Variants in COLEC12 observed in about 807,000 individuals in gnomAD.
COLEC12 encodes the protein collectin-12.
Under a neutral mutation model 71.1 loss-of-function variants are expected in COLEC12, and 33 were observed. The observed-to-expected ratio is 0.46, with a 90% CI of 0.35 to 0.62. COLEC12 has a LOEUF of 0.62. Among genes scored for constraint, COLEC12 ranks in the 20% least tolerant of loss-of-function variants. The pLI, the probability that COLEC12 is intolerant of heterozygous loss-of-function variation, is 0.00. For missense variants in COLEC12, 765 were observed against 916.1 expected (o/e 0.84, Z 2.13); for synonymous variants, 350 against 353.0 (o/e 0.99, Z 0.10).
At chr18:345,011 C>T (rs1431397051) in intron 5 of COLEC12, among the ~76,000 whole-genome samples, 2 of 152,226 alleles carry the variant, frequency 1.3e-5, no homozygotes, top group African/African-American at 4.8e-5. Flanking sequence ...ACTCTTTACC[C>T]TTGATTATTA....
chr18:365,162 C>G (rs1009276265), intron 2 of COLEC12, among the ~76,000 whole-genome samples: 1 of 152,064 alleles, frequency 6.6e-6, no homozygotes. Context: ...AATGTAGTCT[C>G]CGGTGGGTTA....
intron 2 of COLEC12, among the ~76,000 whole-genome samples, chr18:361,412 T>C (rs1286017582): frequency 2.0e-5 from 3 of 152,090 alleles, no homozygotes; most frequent in African/African-American, 7.2e-5. Flanking sequence ...AGTGGAAGCT[T>C]CCTCTTCCAT....
At chr18:320,449 T>C (rs7230786) in intron 9 of COLEC12, among the ~76,000 whole-genome samples, 9,152 of 152,290 alleles carry the variant, frequency 0.06, 308 homozygotes, top group Middle Eastern at 0.088. Flanking sequence ...CCCTAGCACT[T>C]GGACCAATGC....
chr18:434,766 G>C (rs1225306775), intron 2 of COLEC12, among the ~76,000 whole-genome samples: 1 of 152,156 alleles, frequency 6.6e-6, no homozygotes, highest in Non-Finnish European at 1.5e-5. Flanking sequence ...ACATACAGTG[G>C]CTCTTTTTTT....
chr18:385,046 G>A (rs1184271858), intron 2 of COLEC12, among the ~76,000 whole-genome samples: 1 of 152,202 alleles, frequency 6.6e-6, no homozygotes, highest in Non-Finnish European at 1.5e-5. Context: ...CAGAACTCTG[G>A]AGGAGACCCC....
chr18:327,677 TC>T lies in COLEC12; in HGVS notation c.2063+3990del, dbSNP rs1405398532. On this transcript the variant is annotated intron_variant, in intron 8 of 9. Transcript: ENST00000400256. The surrounding 1 kb of genome is among the most constrained non-coding windows in gnomAD (Gnocchi z 4.0). ...GAGACGCAGAGGAGAGAGCCTTTTA[TC>T]CCTCGTCTATTTGCTCTTTAACAGT... Among the ~76,000 whole-genome samples the T allele has an allele frequency of 3.3e-5, 5 of 152,352 alleles. No individual in the cohort carries two copies. In the South Asian group the frequency reaches 8.3e-4, roughly 25 times the overall value.
intron 2 of COLEC12, among the ~76,000 whole-genome samples, chr18:444,616 G>A (rs1416884934): frequency 6.6e-6 from 1 of 152,140 alleles, no homozygotes; most frequent in Non-Finnish European, 1.5e-5. Context: ...TGGAGAAAGA[G>A]TTTAATTTTT....
intron 2 of COLEC12, among the ~76,000 whole-genome samples, chr18:435,822 T>A (rs1406728968): frequency 6.6e-6 from 1 of 152,244 alleles, no homozygotes; most frequent in Non-Finnish European, 1.5e-5. Flanking sequence ...AGAAAGATAA[T>A]AACTATTATA....
At chr18:472,095 T>C (rs933795795) in intron 2 of COLEC12, among the ~76,000 whole-genome samples, 2 of 152,190 alleles carry the variant, frequency 1.3e-5, no homozygotes, top group Admixed American at 1.3e-4. Flanking sequence ...TATTAACTCA[T>C]TTAGTTCTCA....
intron 2 of COLEC12, among the ~76,000 whole-genome samples, chr18:463,762 G>A (rs886694318): frequency 7.2e-5 from 11 of 152,054 alleles, no homozygotes; most frequent in South Asian, 6.2e-4. Context: ...CTTATTCACC[G>A]GTGACAGCCA....
chr18:403,916 C>T (rs1422036031), intron 2 of COLEC12, among the ~76,000 whole-genome samples: 1 of 152,204 alleles, frequency 6.6e-6, no homozygotes, highest in Non-Finnish European at 1.5e-5. Flanking sequence ...CTTTCTTCTG[C>T]TGCTCTGGAA....
At chr18:483,164 T>G (rs1390320449) in intron 1 of COLEC12, among the ~76,000 whole-genome samples, 1 of 151,576 alleles carries the variant, frequency 6.6e-6, no homozygotes. Context: ...CTTTAGGAGG[T>G]TGAGGCGGGT....
At chr18:486,516 G>C (rs918765091) in intron 1 of COLEC12, among the ~76,000 whole-genome samples, 1 of 152,150 alleles carries the variant, frequency 6.6e-6, no homozygotes, top group African/African-American at 2.4e-5. Context: ...TTACAGATGA[G>C]AAAACCAAGG....
intron 2 of COLEC12, among the ~76,000 whole-genome samples, chr18:409,249 A>G (rs1915846035): frequency 6.6e-6 from 1 of 152,198 alleles, no homozygotes; most frequent in African/African-American, 2.4e-5. Context: ...TGTAAAAGAA[A>G]CGTCTCCTAG....
intron 5 of COLEC12, among the ~76,000 whole-genome samples, chr18:341,280 G>A (rs1005228778): frequency 2.0e-5 from 3 of 152,188 alleles, no homozygotes; most frequent in African/African-American, 7.2e-5. Flanking sequence ...TAGTTGTTTG[G>A]CCTTGGGTAA....
intron 2 of COLEC12, among the ~76,000 whole-genome samples, chr18:386,036 G>T (rs182418101): frequency 6.6e-6 from 1 of 152,246 alleles, no homozygotes; most frequent in Admixed American, 6.5e-5. Flanking sequence ...AGTGAGCTGG[G>T]GATACAGTAG....
rs1167052555 is a variant in COLEC12, at chr18:369,397, A to ATTTTTT, written c.59-11881_59-11876dup. Among the ~76,000 whole-genome samples, 12 of 99,280 alleles carry ATTTTTT rather than the reference A, an allele frequency of 1.2e-4. No individual in the cohort carries two copies. The South Asian group carries it at 2.8e-3, about 23-fold the overall frequency. 65.1% of individuals were successfully genotyped at this position (99,280 alleles called of 152,430 possible). A position where few individuals can be genotyped will look rare whatever the true frequency, so the allele number is the denominator to read the frequency against. ...AGGTGATACAGATCTTTTTTTTTTT[A>ATTTTTT]TTTTTTTTTATTTTTATTTTTATTT... On this transcript the variant is annotated intron_variant, in intron 2 of 9. Coordinates refer to ENST00000400256, the MANE Select transcript of COLEC12 (RefSeq NM_130386.3).
At chr18:496,160 T>C (rs1917708769) in intron 1 of COLEC12, among the ~76,000 whole-genome samples, 1 of 152,228 alleles carries the variant, frequency 6.6e-6, no homozygotes, top group Non-Finnish European at 1.5e-5. Flanking sequence ...AATAATATTA[T>C]AATGAGAATA....
intron 2 of COLEC12, among the ~76,000 whole-genome samples, chr18:430,437 A>G (rs182972363): frequency 1.2e-3 from 185 of 152,296 alleles, no homozygotes; most frequent in African/African-American, 4.3e-3. Context: ...TTGGAAAATT[A>G]TATTTTTCCA....
Sources: allele counts gnomAD v4.1 joint callset (sites outside exome capture counted in the v4.1 genomes callset), GRCh38; gene constraint gnomAD v4.1.1; non-coding constraint Gnocchi (gnomAD v3.1); transcripts MANE v1.5; gene names NCBI Gene and HGNC (gene_info 2026-07-23, HGNC 2026-07-21).